ZNF438: variants seen among roughly 807,000 people sequenced by gnomAD.
ZNF438 encodes the protein zinc finger protein 438.
In ZNF438, 25 loss-of-function variants were observed where a neutral mutation model predicts 38.0. The observed-to-expected ratio is 0.66, with a 90% CI of 0.48 to 0.92. The LOEUF (loss-of-function observed/expected upper bound fraction) is 0.92, where lower values mean the gene tolerates loss of function less well. Among genes scored for constraint, ZNF438 ranks in the 40% least tolerant of loss-of-function variants. The probability of loss-of-function intolerance (pLI) is 0.00; values close to 1 mark genes in which losing one functional copy is unlikely to be tolerated. For synonymous variants in ZNF438, 372 were observed against 364.1 expected (o/e 1.02, Z -0.25); for missense variants, 1,007 against 999.6 (o/e 1.01, Z -0.10).
At chr10:30,925,726 G>A (rs1302104925) in intron 2 of ZNF438, among the ~76,000 whole-genome samples, 1 of 152,166 alleles carries the variant, frequency 6.6e-6, no homozygotes, top group Non-Finnish European at 1.5e-5. Context: ...TTCCTCAGAA[G>A]CAGCAGGTAA....
At chr10:30,852,111 C>G (rs4749623) in intron 4 of ZNF438, among the ~76,000 whole-genome samples, 57,983 of 151,080 alleles carry the variant, frequency 0.38, 11,396 homozygotes, top group Admixed American at 0.41. Context: ...TGTAGTGAGC[C>G]GAGATCGCAC....
intron 5 of ZNF438, among the ~76,000 whole-genome samples, chr10:30,847,027 G>A (rs2032316674): frequency 6.6e-6 from 1 of 152,230 alleles, no homozygotes; most frequent in South Asian, 2.1e-4. Flanking sequence ...GCTGAGGAAG[G>A]GGTGCTCAGG....
At chr10:30,985,918 C>T (rs963092487) in intron 1 of ZNF438, among the ~76,000 whole-genome samples, 1 of 152,144 alleles carries the variant, frequency 6.6e-6, no homozygotes, top group African/African-American at 2.4e-5. Context: ...CAGTCAACAA[C>T]AGACTGCATA....
intron 1 of ZNF438, among the ~76,000 whole-genome samples, chr10:30,947,674 G>A (rs563210239): frequency 2.0e-5 from 3 of 152,224 alleles, no homozygotes; most frequent in Admixed American, 1.3e-4. Flanking sequence ...AGCAATCAGC[G>A]AGACTCCGTG....
At chr10:30,928,798 G>T (rs968284361) in intron 2 of ZNF438, among the ~76,000 whole-genome samples, 1 of 152,104 alleles carries the variant, frequency 6.6e-6, no homozygotes, top group Non-Finnish European at 1.5e-5. Context: ...TGGAGTTGGG[G>T]AACATTGCTG....
At chr10:30,939,323 T>C (rs180741064) in intron 2 of ZNF438, among the ~76,000 whole-genome samples, 3 of 152,366 alleles carry the variant, frequency 2.0e-5, no homozygotes, top group Non-Finnish European at 2.9e-5. Flanking sequence ...ATTATGCCTA[T>C]GTAAATGATA....
chr10:30,931,685 A>G (rs1475755464), intron 2 of ZNF438, among the ~76,000 whole-genome samples: 1 of 152,208 alleles, frequency 6.6e-6, no homozygotes, highest in Non-Finnish European at 1.5e-5. Flanking sequence ...GAAAAACCCA[A>G]TAGCCACTAA....
rs141149117 is a variant in ZNF438, at chr10:30,856,685, G to A, written c.38-6318C>T. Among the ~76,000 whole-genome samples the A allele has an allele frequency of 2.4e-3, 361 of 152,194 alleles. 1 individual carries two copies. Among genetic ancestry groups the A allele is most frequent in the African/African-American group, 8.1e-3 (335 of 41,516 alleles). On this transcript the variant is annotated intron_variant, in intron 4 of 5. Coordinates refer to ENST00000413025, the Ensembl canonical transcript of ZNF438. ...TTCTGGAAATCCTGCACAACTACCC[G>A]TAACACAGTTAAAGAGACTCACAGG...
chr10:30,944,940 T>C (rs931840743), intron 1 of ZNF438, among the ~76,000 whole-genome samples: 2 of 152,020 alleles, frequency 1.3e-5, no homozygotes, highest in Non-Finnish European at 2.9e-5. Flanking sequence ...TGAACTTTCT[T>C]TTTTTTTCTT....
intron 2 of ZNF438, chr10:30,923,381 ATTT>A (rs2044544902): frequency 6.6e-6 from 1 of 151,650 alleles, no homozygotes; most frequent in Non-Finnish European, 1.5e-5. Context: ...TGACAGTTTC[ATTT>A]TCTTCTTCAA....
chr10:31,025,103 A>AT (rs1270442035), intron 1 of ZNF438, among the ~76,000 whole-genome samples: 1 of 152,208 alleles, frequency 6.6e-6, no homozygotes, highest in South Asian at 2.1e-4. Flanking sequence ...GTACAACACA[A>AT]TCCTTTGTCC....
exon 5 of ZNF438, chr10:30,850,103 G>A: frequency 6.2e-7 from 1 of 1,614,136 alleles, no homozygotes. Flanking sequence ...CTGAGCTGAG[G>A]CAACATGTGG....
intron 1 of ZNF438, among the ~76,000 whole-genome samples, chr10:31,020,698 C>T (rs2056529861): frequency 1.9e-5 from 2 of 102,922 alleles, no homozygotes; most frequent in Admixed American, 2.0e-4. Flanking sequence ...TTAAAGATAA[C>T]AGTGTTTGAA....
Position 30,964,445 on chromosome 10 carries a change from G to A in ZNF438, c.-191-22794C>T, listed in dbSNP as rs910239665. Among the ~76,000 whole-genome samples the A allele has an allele frequency of 2.6e-5, 4 of 151,998 alleles. No homozygotes were observed. The East Asian group carries it at 5.8e-4, about 22-fold the overall frequency. On this transcript the variant is annotated intron_variant, in intron 1 of 5. Transcript: ENST00000413025. ...CTTGATTAGTGTCCATATCCTCTTC[G>A]TTGAGAAGTCTAGGACACTTCAGAT...
chr10:30,860,334 C>T (rs2035365463), intron 4 of ZNF438, among the ~76,000 whole-genome samples: 2 of 152,292 alleles, frequency 1.3e-5, no homozygotes, highest in Non-Finnish European at 1.5e-5. Flanking sequence ...CACAACTATC[C>T]ATGTTTTGTT....
At chr10:30,956,386 T>C (rs1254788769) in intron 1 of ZNF438, among the ~76,000 whole-genome samples, 7 of 152,236 alleles carry the variant, frequency 4.6e-5, no homozygotes, top group Admixed American at 4.6e-4. Context: ...ATTTATGGAA[T>C]ACAGTGTGGT....
At chr10:30,987,030 G>A (rs1208792520) in intron 1 of ZNF438, among the ~76,000 whole-genome samples, 2 of 152,126 alleles carry the variant, frequency 1.3e-5, no homozygotes, top group African/African-American at 2.4e-5. Flanking sequence ...ATAATTCACA[G>A]CTGTGCCCAA....
intron 3 of ZNF438, among the ~76,000 whole-genome samples, chr10:30,893,037 C>T (rs1406865365): frequency 6.6e-6 from 1 of 152,144 alleles, no homozygotes; most frequent in African/African-American, 2.4e-5. Flanking sequence ...TGCAGGAAGT[C>T]ACAGTAAGAA....
intron 1 of ZNF438, among the ~76,000 whole-genome samples, chr10:30,987,389 T>C (rs965964033): frequency 1.3e-5 from 2 of 151,784 alleles, no homozygotes; most frequent in Admixed American, 6.6e-5. Flanking sequence ...AATTCCAGCA[T>C]GATAGTCCAT....
Sources: allele counts gnomAD v4.1 joint callset (sites outside exome capture counted in the v4.1 genomes callset), GRCh38; gene constraint gnomAD v4.1.1; transcripts MANE v1.5; gene names NCBI Gene and HGNC (gene_info 2026-07-23, HGNC 2026-07-21).